TACR3: variants seen among roughly 807,000 people sequenced by gnomAD.
TACR3 encodes the protein neuromedin-K receptor.
TACR3 carries 34 observed loss-of-function variants against 35.0 expected under a neutral mutation model. The ratio of observed to expected loss-of-function variants is 0.97; its 90% CI spans 0.74 to 1.30. TACR3 has a LOEUF of 1.30. Ranked by LOEUF, TACR3 falls within the 50% of genes most tolerant of loss-of-function variation. TACR3 has a pLI of 0.00. For missense variants in TACR3, 558 were observed against 591.7 expected (o/e 0.94, Z 0.59); for synonymous variants, 233 against 221.1 (o/e 1.05, Z -0.48).
intron 3 of TACR3, among the ~76,000 whole-genome samples, chr4:103,646,756 T>C (rs1421646881): frequency 6.6e-6 from 1 of 152,004 alleles, no homozygotes; most frequent in Non-Finnish European, 1.5e-5. Flanking sequence ...GGAAATACTA[T>C]GTAGAAGAGA....
chr4:103,590,755 GCCCTATGAAATTTAA>G (rs1723875449), intron 4 of TACR3, among the ~76,000 whole-genome samples: 1 of 152,132 alleles, frequency 6.6e-6, no homozygotes, highest in Admixed American at 6.5e-5. Flanking sequence ...GGACTTACGA[GCCCTATGAAATTTAA>G]CCCTATCCCT....
chr4:103,639,641 A>G (rs1487410441), intron 3 of TACR3, among the ~76,000 whole-genome samples: 1 of 152,016 alleles, frequency 6.6e-6, no homozygotes, highest in Non-Finnish European at 1.5e-5. Flanking sequence ...AAAAAAATGT[A>G]AAGAAATACT....
At chr4:103,716,370 G>A (rs761244220) in intron 1 of TACR3, among the ~76,000 whole-genome samples, 2 of 151,908 alleles carry the variant, frequency 1.3e-5, no homozygotes, top group Non-Finnish European at 2.9e-5. Context: ...AAACAGTTTC[G>A]CAGGACTTTG....
chr4:103,660,918 T>C (rs1725828188), intron 1 of TACR3, among the ~76,000 whole-genome samples: 1 of 151,998 alleles, frequency 6.6e-6, no homozygotes, highest in Non-Finnish European at 1.5e-5. Context: ...ACATCATATA[T>C]ACTTAATAGC....
chr4:103,638,680 C>T lies in TACR3; in HGVS notation c.888+17514G>A, dbSNP rs1210447330. Among the ~76,000 whole-genome samples the T allele has an allele frequency of 2.0e-5, 3 of 152,084 alleles. No individual in the cohort carries two copies. In the East Asian group the frequency reaches 5.8e-4, roughly 29 times the overall value. ...CCTACAGAATGGGAGAAAATTTTTG[C>T]AACCTACTTATCTGACAAAGGGCTA... On this transcript the variant is annotated intron_variant, in intron 3 of 4. Transcript: ENST00000304883.
chr4:103,681,323 C>T (rs1034361713), intron 1 of TACR3, among the ~76,000 whole-genome samples: 1 of 151,986 alleles, frequency 6.6e-6, no homozygotes, highest in African/African-American at 2.4e-5. Flanking sequence ...CTCTCTCTCA[C>T]GGCCTAAATA....
chr4:103,599,983 G>A (rs1000191989), intron 3 of TACR3, among the ~76,000 whole-genome samples: 3 of 152,138 alleles, frequency 2.0e-5, no homozygotes, highest in African/African-American at 4.8e-5. Flanking sequence ...ATGAGTTAGG[G>A]AGGATTCCCT....
chr4:103,596,495 T>G (rs932724978), intron 3 of TACR3, among the ~76,000 whole-genome samples: 2 of 152,162 alleles, frequency 1.3e-5, no homozygotes, highest in African/African-American at 4.8e-5. Context: ...ATTTGTCTGT[T>G]GGTACAGGAT....
At chr4:103,594,611 C>T (rs1560798488) in intron 3 of TACR3, among the ~76,000 whole-genome samples, 4 of 152,152 alleles carry the variant, frequency 2.6e-5, no homozygotes, top group Admixed American at 2.6e-4. Context: ...ACTACAAACT[C>T]CCTATGCACA....
At chr4:103,644,213 G>A (rs867049229) in intron 3 of TACR3, among the ~76,000 whole-genome samples, 3 of 151,730 alleles carry the variant, frequency 2.0e-5, no homozygotes, top group Non-Finnish European at 4.4e-5. Flanking sequence ...CTGATTGCAA[G>A]TCGTACCATG....
chr4:103,702,746 T>A (rs984464462), intron 1 of TACR3, among the ~76,000 whole-genome samples: 2 of 151,988 alleles, frequency 1.3e-5, no homozygotes, highest in Admixed American at 1.3e-4. Context: ...TTCATGTTCC[T>A]TGTAGGGACA....
At chr4:103,709,858 C>G (rs57554335) in intron 1 of TACR3, among the ~76,000 whole-genome samples, 6,849 of 152,098 alleles carry the variant, frequency 0.045, 509 homozygotes, top group African/African-American at 0.16. Context: ...GGGTTGCAAT[C>G]CTAGTCTCTG....
At chr4:103,658,901 T>C (rs1325268663) in intron 1 of TACR3, among the ~76,000 whole-genome samples, 1 of 152,170 alleles carries the variant, frequency 6.6e-6, no homozygotes, top group Non-Finnish European at 1.5e-5. Flanking sequence ...CTTGCCATAA[T>C]GTAGAATCCG....
chr4:103,672,386 T>G (rs1054371299), intron 1 of TACR3, among the ~76,000 whole-genome samples: 15 of 152,158 alleles, frequency 9.9e-5, no homozygotes, highest in African/African-American at 3.6e-4. Context: ...TCTAACTTAC[T>G]CTTTGATCCC....
In TACR3 at chr4:103,591,490, T is replaced by A; in HGVS notation, c.1082A>T (p.Lys361Ile). 1 of 1,613,798 alleles carries A rather than the reference T, an allele frequency of 6.2e-7. No individual in the cohort carries two copies. Among genetic ancestry groups the A allele is most frequent in the Non-Finnish European group, 8.5e-7 (1 of 1,179,768 alleles). Residue 361 changes from lysine (K) to isoleucine (I), a missense_variant, in exon 4 of 5, where the codon AAA becomes ATA. Physicochemically the swap from Lys to Ile is moderately radical, Grantham distance 102 (BLOSUM62 -3). Coordinates refer to ENST00000304883, the MANE Select transcript of TACR3 (RefSeq NM_001059.3). Reference sequence around the variant, plus strand: ...CATTTCGTAGTTTTGTTTTTACCTTTTATTCAGACAGCAGTAGATGATGGG... The same window carrying A: ...CATTTCGTAGTTTTGTTTTTACCTTATATTCAGACAGCAGTAGATGATGGG... ...YNPIIYCCLNKRFRAGFKRAF... is the reference protein window; with the variant it reads ...YNPIIYCCLNIRFRAGFKRAF...
intron 3 of TACR3, among the ~76,000 whole-genome samples, chr4:103,654,947 C>T (rs939296074): frequency 1.4e-4 from 21 of 152,194 alleles, no homozygotes; most frequent in Non-Finnish European, 2.5e-4. Context: ...AAGCTCTCCT[C>T]GCTTTAGGAT....
intron 1 of TACR3, among the ~76,000 whole-genome samples, chr4:103,708,832 C>T (rs956423069): frequency 6.6e-6 from 1 of 152,182 alleles, no homozygotes; most frequent in South Asian, 2.1e-4. Flanking sequence ...GAGGTGAAAG[C>T]CATGGCACGA....
rs1371052094 is a variant in TACR3 at position 103,605,275 on chromosome 4, C to T, written c.889-13592G>A. On this transcript the variant is annotated intron_variant, in intron 3 of 4. Transcript: ENST00000304883. ...CAAGTCTTTGCTATTGTGAATAATG[C>T]GGCAATAAACATACGTGTGCATGTG... is the stretch of plus-strand genomic sequence containing the variant. 5.2e-5 allele frequency among the ~76,000 whole-genome samples: 6 copies of T among 116,256 alleles called. 1 individual carries two copies. The highest frequency in any genetic ancestry group is 2.8e-4 in the Admixed American group (3 of 10,734). 76.3% of individuals were successfully genotyped at this position (116,256 alleles called of 152,430 possible). A position where few individuals can be genotyped will look rare whatever the true frequency, so the allele number is the denominator to read the frequency against.
At position 103,719,696 on chromosome 4, in the gene TACR3, GGA is replaced by G. The variant is rs772386115; in HGVS notation, c.-23_-22del. On this transcript the variant is annotated 5_prime_UTR_variant, in exon 1 of 5. Coordinates refer to ENST00000304883, the MANE Select transcript of TACR3 (RefSeq NM_001059.3). ...GCCATCGCCACCGGTCTGCAGTCCC[GGA>G]CCCTCCCACTCACCCACGGGCAGCC... 11 of 1,605,002 alleles carry G rather than the reference GGA, an allele frequency of 6.9e-6. No homozygotes were observed. The African/African-American group carries it at 1.3e-4, about 19-fold the overall frequency.
Sources: gnomAD v4.1 joint callset for allele counts (sites outside exome capture counted in the v4.1 genomes callset) on GRCh38, gnomAD v4.1.1 for gene constraint, MANE v1.5 for transcripts, NCBI Gene and HGNC (gene_info 2026-07-23, HGNC 2026-07-21) for gene names.